FBXO21: variants seen among roughly 807,000 people sequenced by gnomAD.
FBXO21 encodes the protein F-box protein 21.
Under a neutral mutation model 76.6 loss-of-function variants are expected in FBXO21, and 32 were observed. The observed-to-expected ratio is 0.42, with a 90% CI of 0.32 to 0.56. The LOEUF (loss-of-function observed/expected upper bound fraction) is 0.56, where lower values mean the gene tolerates loss of function less well. Among genes scored for constraint, FBXO21 ranks in the 20% least tolerant of loss-of-function variants. FBXO21 has a pLI of 0.16. For missense variants in FBXO21, 586 were observed against 797.3 expected (o/e 0.73, Z 3.19); for synonymous variants, 328 against 311.5 (o/e 1.05, Z -0.56).
chr12:117,186,600 T>A, intron 2 of FBXO21, 29 bp from the exon 3 acceptor site: 1 of 1,429,040 alleles, frequency 7.0e-7, no homozygotes, highest in Non-Finnish European at 9.8e-7. Context: ...CAAGTAGGCC[T>A]CAATTATGAG....
intron 2 of FBXO21, among the ~76,000 whole-genome samples, chr12:117,187,493 G>C (rs1015486821): frequency 1.4e-5 from 2 of 142,662 alleles, no homozygotes; most frequent in Non-Finnish European, 3.0e-5. Flanking sequence ...TTTTCTTTTT[G>C]CAAGTAGCCA....
chr12:117,159,310 G>GA (rs10655877), intron 9 of FBXO21, among the ~76,000 whole-genome samples: 2,834 of 143,016 alleles, frequency 0.02, 67 homozygotes, highest in African/African-American at 0.059. Context: ...GGATTAGGTG[G>GA]AAAAAAAAAA....
rs773845957 is a variant in FBXO21 at position 117,167,128 on chromosome 12, A to T, written c.1014-51T>A. ...GAGAGCTGAACAACTCATTATTTTAAGTCTCCACAGTAAGTAGCTCAAATC... is the reference window on the plus strand; with the variant it reads ...GAGAGCTGAACAACTCATTATTTTATGTCTCCACAGTAAGTAGCTCAAATC... On this transcript the variant is annotated intron_variant, in intron 7 of 11. Transcript: ENST00000622495. The T allele has an allele frequency of 1.0e-5, 14 of 1,399,964 alleles. No homozygotes were observed. In the East Asian group the frequency reaches 3.2e-4, roughly 32 times the overall value. The allele number at this position is 1,399,964 out of a possible 1,614,324, so 86.7% of individuals were successfully genotyped here.
Position 117,186,386 on chromosome 12 carries a change from C to T in FBXO21, c.470+91G>A. 5.8e-6 allele frequency: 5 copies of T among 865,060 alleles called. 1 individual carries two copies. The South Asian group carries it at 7.2e-5, about 13-fold the overall frequency. 53.6% of individuals were successfully genotyped at this position (865,060 alleles called of 1,614,324 possible). A position where few individuals can be genotyped will look rare whatever the true frequency, so the allele number is the denominator to read the frequency against. ...TGACAAGGCGTGAAATATTTGGAAT[C>T]ACATATTCCAGGGTTTAGCCACACA... On this transcript the variant is annotated intron_variant, in intron 3 of 11. Transcript: ENST00000622495.
At chr12:117,182,562 A>ATTT (rs1162348126) in intron 3 of FBXO21, among the ~76,000 whole-genome samples, 9 of 81,300 alleles carry the variant, frequency 1.1e-4, no homozygotes, top group Admixed American at 6.2e-4. Context: ...CAGCAAGAGG[A>ATTT]TCTTTTTTTT....
At chr12:117,161,799 CCATCCTTCA>C (rs1485616140) in intron 9 of FBXO21, among the ~76,000 whole-genome samples, 1 of 152,142 alleles carries the variant, frequency 6.6e-6, no homozygotes, top group Admixed American at 6.5e-5. Context: ...CGTCTAGAAA[CCATCCTTCA>C]GCCTTGAAGG....
chr12:117,190,195 G>T, intron 1 of FBXO21, 23 bp downstream of exon 1: 1 of 1,258,802 alleles, frequency 7.9e-7, no homozygotes. Context: ...GCGCGCAGCC[G>T]GGGCGCGGGG....
intron 9 of FBXO21, among the ~76,000 whole-genome samples, chr12:117,162,179 T>C (rs567282666): frequency 3.9e-4 from 60 of 152,044 alleles, no homozygotes; most frequent in African/African-American, 1.3e-3. Context: ...CCTTGGAAAA[T>C]TGGAGGGATA....
In FBXO21 at chr12:117,166,935, G is replaced by A. The variant is rs1455032151; in HGVS notation, c.1156C>T (p.Gln386Ter). The A allele has an allele frequency of 6.2e-7, 1 of 1,614,168 alleles. No homozygotes were observed. The highest frequency in any genetic ancestry group is 8.5e-7 in the Non-Finnish European group (1 of 1,180,026). ...YGVVNVKKVLQRMVGNLLSLG... is the reference protein window; with the variant it reads ...YGVVNVKKVL ...CTTAACAGGTTTCCCACCATTCTCT[G>A]TAACACCTTCTTGACATTGACCACC... The change falls in exon 8 of 12, where the codon CAG becomes TAG. Residue 386 changes from glutamine (Q) to a stop codon, truncating the protein, a stop_gained. Coordinates refer to ENST00000622495, the MANE Select transcript of FBXO21 (RefSeq NM_015002.3). LOFTEE classifies it high-confidence loss of function.
In FBXO21 at chr12:117,172,607, C is replaced by A. The variant is rs1265190955; in HGVS notation, c.877G>T (p.Val293Phe). The change falls in exon 7 of 12, where the codon GTT becomes TTT. Residue 293 changes from valine (V) to phenylalanine (F), a missense_variant and splice_region_variant. Physicochemically the swap from Val to Phe is conservative, Grantham distance 50. Around this residue, in one of 6 missense-constraint regions of FBXO21, gnomAD observed 246 missense variants for 356.8 expected, o/e 0.69. Transcript: ENST00000622495. ...YNALNLYMHQ[V>F]LIRRTGIPIS... ...GGGATTCCTGTTCTGCGAATCAAAA[C>A]CTAAAGCAGAAAAAATGCTTTTATT... 6.2e-7 allele frequency: 1 copy of A among 1,609,148 alleles called. No individual in the cohort carries two copies. Among genetic ancestry groups the A allele is most frequent in the Non-Finnish European group, 8.5e-7 (1 of 1,176,586 alleles).
chr12:117,155,428 C>A (rs915681872), intron 11 of FBXO21: 2 of 231,030 alleles, frequency 8.7e-6, no homozygotes, highest in African/African-American at 2.3e-5. Context: ...GGCCAGGGAG[C>A]ACTAGGGGGC....
intron 9 of FBXO21, among the ~76,000 whole-genome samples, chr12:117,160,376 C>G (rs1955963676): frequency 6.6e-6 from 1 of 152,148 alleles, no homozygotes; most frequent in Non-Finnish European, 1.5e-5. Context: ...GATCCATTGT[C>G]TATGGATCCG....
chr12:117,170,466 C>G (rs184644123), intron 7 of FBXO21, among the ~76,000 whole-genome samples: 30 of 152,280 alleles, frequency 2.0e-4, no homozygotes, highest in Admixed American at 1.8e-3. Flanking sequence ...TTTCATCCTA[C>G]CAGATATCAG....
intron 1 of FBXO21, among the ~76,000 whole-genome samples, chr12:117,189,880 C>G (rs916892976): frequency 2.0e-5 from 3 of 152,148 alleles, no homozygotes; most frequent in Non-Finnish European, 4.4e-5. Context: ...TGCGCCCGCC[C>G]GATCGATGCA....
chr12:117,172,284 T>TA (rs1956125727), intron 7 of FBXO21, among the ~76,000 whole-genome samples, 187 bp downstream of exon 7: 2 of 152,130 alleles, frequency 1.3e-5, no homozygotes, highest in Non-Finnish European at 2.9e-5. Context: ...TCTTAACTGT[T>TA]ATAGTATAAT....
At position 117,144,421 on chromosome 12, in the gene FBXO21, C is replaced by T. The variant is rs1047814355; in HGVS notation, c.*1666G>A. 1.3e-5 allele frequency: 2 copies of T among 152,196 alleles called. No homozygotes were observed. Among genetic ancestry groups the T allele is most frequent in the East Asian group, 3.8e-4 (2 of 5,200 alleles). 9.4% of individuals were successfully genotyped at this position (152,196 alleles called of 1,614,324 possible). A position where few individuals can be genotyped will look rare whatever the true frequency, so the allele number is the denominator to read the frequency against. ...CAGTGGATTAAATAGCTCATTCAGG[C>T]TGGAGGAGCCAGGGGCCAAATCCCC... On this transcript the variant is annotated 3_prime_UTR_variant, in exon 12 of 12. Coordinates refer to ENST00000622495, the MANE Select transcript of FBXO21 (RefSeq NM_015002.3).
chr12:117,189,143 A>G, intron 2 of FBXO21, 84 bp downstream of exon 2: 1 of 1,513,198 alleles, frequency 6.6e-7, no homozygotes, highest in Non-Finnish European at 9.2e-7. Context: ...GGAGATACGA[A>G]AAGAGCTGGA....
At chr12:117,171,518 C>A (rs552597549) in intron 7 of FBXO21, among the ~76,000 whole-genome samples, 1 of 152,166 alleles carries the variant, frequency 6.6e-6, no homozygotes, top group Admixed American at 6.5e-5. Flanking sequence ...ACCAATTGTA[C>A]TTTTTTGCTA....
At chr12:117,162,188 T>C (rs1436587583) in intron 9 of FBXO21, among the ~76,000 whole-genome samples, 1 of 152,180 alleles carries the variant, frequency 6.6e-6, no homozygotes, top group Non-Finnish European at 1.5e-5. Context: ...ATTGGAGGGA[T>C]ACCTTTTCCA....
Sources: allele counts gnomAD v4.1 joint callset (sites outside exome capture counted in the v4.1 genomes callset), GRCh38; gene constraint gnomAD v4.1.1; regional missense constraint gnomAD v4.1.1; transcripts MANE v1.5; gene names NCBI Gene and HGNC (gene_info 2026-07-23, HGNC 2026-07-21).